Variants in SDK1 observed in about 807,000 individuals in gnomAD.
SDK1 encodes the protein protein sidekick-1.
In SDK1, 157 loss-of-function variants were observed where a neutral mutation model predicts 245.5. That is an observed-to-expected ratio of 0.64 (90% CI 0.56 to 0.73). The LOEUF is 0.73. Ranked by LOEUF, SDK1 falls within the 30% of genes least tolerant of loss-of-function variation. SDK1 has a pLI of 0.00. For synonymous variants in SDK1, 1,647 were observed against 1,278.5 expected (o/e 1.29, Z -6.15); for missense variants, 3,583 against 3,002.3 (o/e 1.19, Z -4.52).
intron 35 of SDK1, among the ~76,000 whole-genome samples, chr7:4,203,523 ATTT>A (rs150885926): frequency 2.7e-4 from 33 of 122,884 alleles, no homozygotes; most frequent in Non-Finnish European, 3.3e-4. Context: ...AATTTCATGT[ATTT>A]TTTTTTTAAA....
intron 1 of SDK1, among the ~76,000 whole-genome samples, chr7:3,600,406 C>T (rs34872052): frequency 0.24 from 35,878 of 151,948 alleles, 4,431 homozygotes; most frequent in South Asian, 0.31. Context: ...CCAGTATGTA[C>T]ATCTTTTATT....
intron 4 of SDK1, among the ~76,000 whole-genome samples, chr7:3,741,668 A>G (rs1048614734): frequency 6.6e-6 from 1 of 152,150 alleles, no homozygotes. Context: ...TACATTTACA[A>G]TCCCATTTAT....
rs1260671504 is a variant in SDK1 at position 3,879,888 on chromosome 7, A to G, written c.847+58305A>G. On this transcript the variant is annotated intron_variant, in intron 5 of 44. Transcript: ENST00000404826. ...CAAGCTGATGCATGGAGCTGATACC[A>G]TATCTGTCTGTGGCAGGCGGCGTAT... Among the ~76,000 whole-genome samples the G allele has an allele frequency of 2.6e-5, 4 of 152,212 alleles. No homozygotes were observed. In the East Asian group the frequency reaches 7.7e-4, roughly 29 times the overall value.
At chr7:3,965,938 G>T (rs1053063923) in intron 9 of SDK1, among the ~76,000 whole-genome samples, 1 of 151,970 alleles carries the variant, frequency 6.6e-6, no homozygotes, top group Non-Finnish European at 1.5e-5. Context: ...AGGCGGATAG[G>T]TTGGGGCTCA....
intron 1 of SDK1, among the ~76,000 whole-genome samples, chr7:3,470,385 C>G (rs1583906145): frequency 6.6e-6 from 1 of 152,134 alleles, no homozygotes; most frequent in Non-Finnish European, 1.5e-5. Flanking sequence ...TTAAAGATCT[C>G]ATGAACACCC....
chr7:3,688,002 C>T (rs1056791879), intron 4 of SDK1, among the ~76,000 whole-genome samples: 1 of 152,116 alleles, frequency 6.6e-6, no homozygotes, highest in Non-Finnish European at 1.5e-5. Flanking sequence ...AGAGAAGGTT[C>T]TATTTCCAAA....
chr7:3,314,348 G>A (rs1779614982), intron 1 of SDK1, among the ~76,000 whole-genome samples: 1 of 152,202 alleles, frequency 6.6e-6, no homozygotes, highest in Non-Finnish European at 1.5e-5. Context: ...TACATTCCAA[G>A]TGACCTTTAC....
intron 1 of SDK1, among the ~76,000 whole-genome samples, chr7:3,529,174 T>G (rs989924440): frequency 3.9e-5 from 6 of 152,044 alleles, no homozygotes; most frequent in African/African-American, 7.2e-5. Context: ...AAACACATGG[T>G]TTTGGAAACA....
intron 1 of SDK1, among the ~76,000 whole-genome samples, chr7:3,536,963 T>C (rs1001446898): frequency 1.3e-5 from 2 of 151,366 alleles, no homozygotes; most frequent in Non-Finnish European, 2.9e-5. Flanking sequence ...ATTAAAAATA[T>C]TTTTTTCTTC....
chr7:4,029,324 C>G (rs905417933), intron 17 of SDK1, among the ~76,000 whole-genome samples: 11 of 148,584 alleles, frequency 7.4e-5, no homozygotes, highest in Non-Finnish European at 1.6e-4. Context: ...AATTCTTGTG[C>G]CTCAGCCTCC....
At position 3,505,399 on chromosome 7, in the gene SDK1, A is replaced by G. The variant is rs554288911; in HGVS notation, c.299-113681A>G. On this transcript the variant is annotated intron_variant, in intron 1 of 44. Coordinates refer to ENST00000404826, the MANE Select transcript of SDK1 (RefSeq NM_152744.4). ...CCCAAGTAGCTAGGACTACAGGTGC[A>G]TGCCACATCTGGCCAGTTTTTGAAA... is the stretch of plus-strand genomic sequence containing the variant. 1.3e-3 allele frequency among the ~76,000 whole-genome samples: 196 copies of G among 152,198 alleles called. 2 individuals are homozygous for G. Among genetic ancestry groups the G allele is most frequent in the African/African-American group, 4.5e-3 (187 of 41,540 alleles).
chr7:4,050,981 CTA>C (rs201856493), intron 18 of SDK1, among the ~76,000 whole-genome samples: 6,269 of 138,136 alleles, frequency 0.045, 268 homozygotes, highest in African/African-American at 0.11. Context: ...TATATATATG[CTA>C]TATATGTTAT....
intron 20 of SDK1, among the ~76,000 whole-genome samples, chr7:4,075,440 GT>G (rs199529298): frequency 0.018 from 2,734 of 152,320 alleles, 49 homozygotes; most frequent in Admixed American, 0.049. Context: ...TGAGGAGGAA[GT>G]TTCAGGTGCG....
At chr7:3,574,710 C>G (rs1355754398) in intron 1 of SDK1, among the ~76,000 whole-genome samples, 3 of 151,998 alleles carry the variant, frequency 2.0e-5, no homozygotes, top group Non-Finnish European at 4.4e-5. Flanking sequence ...TACTGTACTG[C>G]CTGGCTTCTT....
chr7:3,485,690 T>TTTTTTTTTTTTTTTTTTTTC (rs1781669566), intron 1 of SDK1, among the ~76,000 whole-genome samples: 1 of 137,476 alleles, frequency 7.3e-6, no homozygotes, highest in Non-Finnish European at 1.6e-5. Context: ...AGGGTTTTTT[T>TTTTTTTTTTTTTTTTTTTTC]TTTTTTTTTT....
intron 18 of SDK1, among the ~76,000 whole-genome samples, chr7:4,051,140 T>C (rs568440099): frequency 2.1e-5 from 3 of 140,102 alleles, no homozygotes; most frequent in East Asian, 2.0e-4. Flanking sequence ...ATATATAATA[T>C]ATGTATAATA....
intron 1 of SDK1, among the ~76,000 whole-genome samples, chr7:3,462,770 C>G (rs1780873704): frequency 4.6e-5 from 7 of 152,118 alleles, no homozygotes; most frequent in Admixed American, 4.6e-4. Context: ...CTAATGCAAG[C>G]TGTCATCATC....
chr7:3,889,522 T>C (rs964941758), intron 5 of SDK1, among the ~76,000 whole-genome samples: 1 of 152,140 alleles, frequency 6.6e-6, no homozygotes, highest in Non-Finnish European at 1.5e-5. Context: ...TCTTTTTTTT[T>C]TTAGGGATGG....
intron 1 of SDK1, among the ~76,000 whole-genome samples, chr7:3,586,718 A>AG (rs1285235496): frequency 6.6e-6 from 1 of 151,888 alleles, no homozygotes; most frequent in Non-Finnish European, 1.5e-5. Flanking sequence ...AAAAAAAAAA[A>AG]AAAAGAAATA....
Sources: gnomAD v4.1 joint callset for allele counts (sites outside exome capture counted in the v4.1 genomes callset) on GRCh38, gnomAD v4.1.1 for gene constraint, MANE v1.5 for transcripts, NCBI Gene and HGNC (gene_info 2026-07-23, HGNC 2026-07-21) for gene names.